Variants in RBFOX1 observed in about 807,000 individuals in gnomAD.
The protein encoded by RBFOX1 is RNA binding fox-1 homolog 1.
A neutral mutation model predicts 57.7 loss-of-function variants in RBFOX1; 8 were observed. The observed-to-expected ratio is 0.14, with a 90% confidence interval of 0.08 to 0.25. The LOEUF (loss-of-function observed/expected upper bound fraction) is 0.25, where lower values mean the gene tolerates loss of function less well. Among genes scored for constraint, RBFOX1 ranks in the 10% least tolerant of loss-of-function variants. The pLI is 1.00. For synonymous variants in RBFOX1, 326 were observed against 222.4 expected (o/e 1.47, Z -4.15); for missense variants, 611 against 548.5 (o/e 1.11, Z -1.14).
At chr16:6,255,466 G>A (rs148704405) in intron 1 of RBFOX1, among the ~76,000 whole-genome samples, 1 of 152,260 alleles carries the variant, frequency 6.6e-6, no homozygotes, top group Non-Finnish European at 1.5e-5. Context: ...GCTCTGGTGA[G>A]AATAATGTAT....
At chr16:6,387,812 A>G (rs2092378705) in intron 2 of RBFOX1, among the ~76,000 whole-genome samples, 1 of 152,008 alleles carries the variant, frequency 6.6e-6, no homozygotes, top group Admixed American at 6.6e-5. Context: ...CCCCATTCTC[A>G]GACCTTTTGA....
At chr16:5,377,049 C>G (rs771609500) in intron 1 of RBFOX1, among the ~76,000 whole-genome samples, 2 of 151,608 alleles carry the variant, frequency 1.3e-5, no homozygotes, top group African/African-American at 2.4e-5. Flanking sequence ...TGGGGGAGCC[C>G]AAACCAAGGA....
intron 1 of RBFOX1, among the ~76,000 whole-genome samples, chr16:6,027,261 A>G (rs560911341): frequency 5.3e-5 from 8 of 152,138 alleles, no homozygotes; most frequent in Non-Finnish European, 1.2e-4. Flanking sequence ...ACCCTTTATT[A>G]TACCACTTGA....
At chr16:7,638,521 C>A (rs1356956976) in intron 11 of RBFOX1, among the ~76,000 whole-genome samples, 1 of 152,148 alleles carries the variant, frequency 6.6e-6, no homozygotes, top group African/African-American at 2.4e-5. Flanking sequence ...TCTATTTGGG[C>A]CAAGGCTGTG....
At chr16:7,248,896 C>T (rs575126349) in intron 4 of RBFOX1, among the ~76,000 whole-genome samples, 1 of 152,132 alleles carries the variant, frequency 6.6e-6, no homozygotes, top group Non-Finnish European at 1.5e-5. Flanking sequence ...GCAAATGTTG[C>T]TATGTATAGC....
chr16:5,653,158 G>T (rs2049298867), intron 3 of RBFOX1, among the ~76,000 whole-genome samples: 1 of 152,172 alleles, frequency 6.6e-6, no homozygotes, highest in Non-Finnish European at 1.5e-5. Flanking sequence ...TGCGGAAGGT[G>T]GGGTGCGGAA....
At chr16:6,242,776 C>G (rs1023474069) in intron 1 of RBFOX1, among the ~76,000 whole-genome samples, 7 of 151,852 alleles carry the variant, frequency 4.6e-5, no homozygotes, top group South Asian at 4.2e-4. Flanking sequence ...CAGAAGGCAC[C>G]CAGATAATAA....
At chr16:5,933,020 T>C (rs1435373980) in intron 4 of RBFOX1, among the ~76,000 whole-genome samples, 5 of 152,142 alleles carry the variant, frequency 3.3e-5, no homozygotes, top group Non-Finnish European at 7.4e-5. Flanking sequence ...TTTAATAAAA[T>C]GTAGAAAGCC....
At chr16:5,346,859 C>T (rs141020980) in intron 1 of RBFOX1, among the ~76,000 whole-genome samples, 1 of 152,160 alleles carries the variant, frequency 6.6e-6, no homozygotes, top group Admixed American at 6.5e-5. Context: ...ATAACAGCAC[C>T]TCCCTCAAGA....
chr16:7,477,080 C>G (rs2062877055), intron 4 of RBFOX1, among the ~76,000 whole-genome samples: 1 of 152,104 alleles, frequency 6.6e-6, no homozygotes, highest in South Asian at 2.1e-4. Flanking sequence ...TCTTTATTTT[C>G]CTTCCCCCAC....
intron 1 of RBFOX1, among the ~76,000 whole-genome samples, chr16:5,371,056 T>C (rs1052388650): frequency 2.7e-4 from 41 of 152,230 alleles, no homozygotes; most frequent in African/African-American, 9.4e-4. Context: ...CAGGCGATTC[T>C]CCTGCCTTAG....
intron 3 of RBFOX1, among the ~76,000 whole-genome samples, chr16:6,771,338 A>G (rs1246568433): frequency 3.3e-5 from 5 of 152,058 alleles, no homozygotes; most frequent in Admixed American, 6.6e-5. Context: ...GCTCAAGTCT[A>G]TGTTGGTATC....
chr16:7,431,740 A>G (rs2098682494), intron 4 of RBFOX1, among the ~76,000 whole-genome samples: 1 of 152,202 alleles, frequency 6.6e-6, no homozygotes, highest in Admixed American at 6.5e-5. Flanking sequence ...TTGCTACAGA[A>G]CAAAGACATG....
chr16:5,872,033 G>C (rs1159755366), intron 4 of RBFOX1, among the ~76,000 whole-genome samples: 1 of 152,146 alleles, frequency 6.6e-6, no homozygotes, highest in Admixed American at 6.5e-5. Context: ...CCTAGGCCTA[G>C]GAATCATTTA....
intron 3 of RBFOX1, among the ~76,000 whole-genome samples, chr16:7,050,826 A>T (rs1269323177): frequency 2.6e-5 from 4 of 152,172 alleles, no homozygotes; most frequent in Non-Finnish European, 5.9e-5. Context: ...TTGTTAATTG[A>T]CATGGAAATA....
intron 3 of RBFOX1, among the ~76,000 whole-genome samples, chr16:6,820,162 G>A (rs1017302476): frequency 6.6e-6 from 1 of 152,116 alleles, no homozygotes; most frequent in African/African-American, 2.4e-5. Flanking sequence ...CGCCATATAA[G>A]ACATACCTTT....
chr16:5,366,516 A>G (rs2065719824), intron 1 of RBFOX1: 2 of 432,040 alleles, frequency 4.6e-6, no homozygotes, highest in Non-Finnish European at 8.9e-6. Context: ...CTGCTAAAAC[A>G]CCGAAAGGAC....
chr16:6,032,347 T>A (rs79870455), intron 1 of RBFOX1, among the ~76,000 whole-genome samples: 2,238 of 148,594 alleles, frequency 0.015, 58 homozygotes, highest in African/African-American at 0.052. Context: ...CTCAGAGAAT[T>A]TAATTTGCCT....
At chr16:5,826,753 A>G (rs2056069780) in intron 3 of RBFOX1, among the ~76,000 whole-genome samples, 1 of 152,194 alleles carries the variant, frequency 6.6e-6, no homozygotes, top group Non-Finnish European at 1.5e-5. Context: ...TAAATTTTTT[A>G]TATGTGTATT....
Sources: allele counts gnomAD v4.1 joint callset (sites outside exome capture counted in the v4.1 genomes callset), GRCh38; gene constraint gnomAD v4.1.1; transcripts MANE v1.5; gene names NCBI Gene and HGNC (gene_info 2026-07-23, HGNC 2026-07-21).